Variants in NRG1 observed in about 807,000 individuals in gnomAD.
NRG1 encodes the protein neuregulin 1.
NRG1 carries 18 observed loss-of-function variants against 63.8 expected under a neutral mutation model. The observed-to-expected ratio is 0.28, with a 90% CI of 0.19 to 0.42. The LOEUF (loss-of-function observed/expected upper bound fraction) is 0.42. Ranked by LOEUF, NRG1 falls within the 10% of genes least tolerant of loss-of-function variation. The pLI, the probability that NRG1 is intolerant of heterozygous loss-of-function variation, is 1.00. For missense variants in NRG1, 762 were observed against 814.7 expected (o/e 0.94, Z 0.79); for synonymous variants, 302 against 301.3 (o/e 1.00, Z -0.02).
intron 1 of NRG1, among the ~76,000 whole-genome samples, chr8:31,749,346 T>C (rs956558558): frequency 2.0e-5 from 3 of 151,850 alleles, no homozygotes; most frequent in Non-Finnish European, 4.4e-5. Context: ...TCACAATAAA[T>C]TGCAATTTTT....
intron 1 of NRG1, among the ~76,000 whole-genome samples, chr8:31,802,368 A>G (rs1048723503): frequency 1.3e-5 from 2 of 152,172 alleles, no homozygotes; most frequent in Non-Finnish European, 2.9e-5. Context: ...AGAATTTGCC[A>G]CTACAAAATG....
intron 1 of NRG1, among the ~76,000 whole-genome samples, chr8:32,379,632 G>T (rs767914492): frequency 2.0e-5 from 3 of 152,174 alleles, no homozygotes; most frequent in Non-Finnish European, 2.9e-5. Context: ...CCTTCTGCAT[G>T]TGCACTGAGT....
In NRG1 at chr8:32,465,644, T is replaced by C. The variant is rs561754237; in HGVS notation, c.38-130184T>C. ...GTATTAAAATTTTCAAAAACACTTATACTCTCGAATCCAGCAGTTATTATT... is the reference window on the plus strand; with the variant it reads ...GTATTAAAATTTTCAAAAACACTTACACTCTCGAATCCAGCAGTTATTATT... On this transcript the variant is annotated intron_variant, in intron 1 of 10. Coordinates refer to the NRG1 transcript ENST00000519301. Among the ~76,000 whole-genome samples the C allele has an allele frequency of 7.9e-5, 12 of 152,342 alleles. No individual in the cohort carries two copies. The East Asian group carries it at 2.3e-3, about 29-fold the overall frequency.
chr8:31,874,038 C>T (rs1362528273), intron 1 of NRG1, among the ~76,000 whole-genome samples: 1 of 152,166 alleles, frequency 6.6e-6, no homozygotes, highest in African/African-American at 2.4e-5. Context: ...ATTTTCATTG[C>T]ATCAGAAAGC....
At chr8:31,745,287 G>A (rs529780782) in intron 1 of NRG1, among the ~76,000 whole-genome samples, 36 of 152,024 alleles carry the variant, frequency 2.4e-4, no homozygotes, top group African/African-American at 6.7e-4. Flanking sequence ...AACGGCCTGC[G>A]CAAACACACT....
At chr8:32,511,367 G>GTATATATATATATATATATATA (rs202038797) in intron 1 of NRG1, among the ~76,000 whole-genome samples, 8 of 122,074 alleles carry the variant, frequency 6.6e-5, no homozygotes, top group African/African-American at 9.3e-5. Flanking sequence ...ATATATATGT[G>GTATATATATATATATATATATA]TATATATATA....
At chr8:32,617,250 G>A (rs1302449261) in intron 5 of NRG1, among the ~76,000 whole-genome samples, 1 of 152,196 alleles carries the variant, frequency 6.6e-6, no homozygotes, top group African/African-American at 2.4e-5. Context: ...AACTGCCTGA[G>A]GCATGATACC....
chr8:32,231,570 T>C (rs1347223451), intron 1 of NRG1, among the ~76,000 whole-genome samples: 4 of 152,182 alleles, frequency 2.6e-5, no homozygotes, highest in Admixed American at 6.5e-5. Context: ...CTACCTTGAA[T>C]GTAAATTTTT....
At chr8:32,510,493 T>A (rs1015529644) in intron 1 of NRG1, among the ~76,000 whole-genome samples, 4 of 152,128 alleles carry the variant, frequency 2.6e-5, no homozygotes, top group African/African-American at 9.7e-5. Flanking sequence ...TTCTACTTTT[T>A]TGGGCAGCAC....
downstream of NRG1, among the ~76,000 whole-genome samples, chr8:32,768,231 C>T (rs7013048): frequency 1.3e-5 from 2 of 152,156 alleles, no homozygotes; most frequent in South Asian, 2.1e-4. Flanking sequence ...TACACAATAA[C>T]AGAGAGAGAA....
intron 1 of NRG1, among the ~76,000 whole-genome samples, chr8:31,842,480 G>T (rs1387550125): frequency 6.6e-6 from 1 of 152,114 alleles, no homozygotes; most frequent in Non-Finnish European, 1.5e-5. Context: ...TCCTAATTTA[G>T]CTGTGGGAAG....
At chr8:31,667,991 G>A (rs371816430) in intron 1 of NRG1, among the ~76,000 whole-genome samples, 19 of 151,868 alleles carry the variant, frequency 1.3e-4, no homozygotes, top group African/African-American at 4.3e-4. Context: ...AAAATGATGG[G>A]GTTAAAAATC....
At chr8:32,706,606 A>G (rs914874995) in intron 5 of NRG1, among the ~76,000 whole-genome samples, 2 of 152,010 alleles carry the variant, frequency 1.3e-5, no homozygotes, top group African/African-American at 4.8e-5. Flanking sequence ...TAGAATTATA[A>G]AATGACATTT....
chr8:32,242,090 T>C (rs1380238764), intron 1 of NRG1, among the ~76,000 whole-genome samples: 1 of 152,150 alleles, frequency 6.6e-6, no homozygotes. Context: ...CGAGAAGTCT[T>C]AATTTGACCA....
chr8:31,673,215 G>A (rs1017653058), intron 1 of NRG1, among the ~76,000 whole-genome samples: 1 of 152,004 alleles, frequency 6.6e-6, no homozygotes, highest in African/African-American at 2.4e-5. Context: ...AGATTTGGTG[G>A]GAGAGAAGAG....
intron 6 of NRG1, among the ~76,000 whole-genome samples, chr8:32,734,194 C>T (rs972416753): frequency 2.6e-5 from 4 of 152,108 alleles, no homozygotes; most frequent in African/African-American, 7.2e-5. Flanking sequence ...TCAAAGACAT[C>T]AAAGGCACTA....
chr8:32,309,886 C>T (rs1856623282), intron 1 of NRG1, among the ~76,000 whole-genome samples: 1 of 152,238 alleles, frequency 6.6e-6, no homozygotes, highest in South Asian at 2.1e-4. Flanking sequence ...ACACACATTT[C>T]TGACAAAAAG....
At chr8:31,946,913 ATT>A (rs1414414171) in intron 1 of NRG1, among the ~76,000 whole-genome samples, 10 of 152,356 alleles carry the variant, frequency 6.6e-5, no homozygotes, top group African/African-American at 1.9e-4. Flanking sequence ...TCCATGCCAT[ATT>A]GTTTCTCTGC....
Sources: allele counts gnomAD v4.1 joint callset (sites outside exome capture counted in the v4.1 genomes callset), GRCh38; gene constraint gnomAD v4.1.1; transcripts MANE v1.5; gene names NCBI Gene and HGNC (gene_info 2026-07-23, HGNC 2026-07-21).